XRCC5: variants seen among roughly 807,000 people sequenced by gnomAD.
XRCC5 encodes the protein X-ray repair cross complementing 5.
A neutral mutation model predicts 95.7 loss-of-function variants in XRCC5; 12 were observed. That is an observed-to-expected ratio of 0.13 (90% CI 0.08 to 0.20). The LOEUF is 0.20. Ranked by LOEUF, XRCC5 falls within the 10% of genes least tolerant of loss-of-function variation. XRCC5 has a pLI of 1.00. For synonymous variants in XRCC5, 281 were observed against 290.3 expected (o/e 0.97, Z 0.33); for missense variants, 595 against 873.9 (o/e 0.68, Z 4.02).
At chr2:216,148,329 C>T in intron 14 of XRCC5, 53 bp downstream of exon 14, 1 of 1,522,934 alleles carries the variant, frequency 6.6e-7, no homozygotes, top group Non-Finnish European at 8.9e-7. Context: ...GAGTTGTGGT[C>T]ATTTTAGAGT....
rs1247330693 is a variant in XRCC5 at position 216,160,690 on chromosome 2, A to AATTT, written c.1764+530_1764+533dup. ...TAATTAATTAATTAATTAATTAATT[A>AATTT]ATTTTTATATCTTGGTCAGCCAGGA... On this transcript the variant is annotated intron_variant, in intron 15 of 20. Transcript: ENST00000392132. Among the ~76,000 whole-genome samples the AATTT allele has an allele frequency of 2.6e-4, 39 of 151,516 alleles. 1 individual carries two copies. The highest frequency in any genetic ancestry group is 7.8e-4 in the East Asian group (4 of 5,150).
rs142450834 is a variant in XRCC5 at position 216,147,376 on chromosome 2, C to A, written c.1477-707C>A. On this transcript the variant is annotated intron_variant, in intron 13 of 20. Transcript: ENST00000392132. ...GGCAAGCAGGGCTGCATCATAGGAC[C>A]CTAGGGTATGGTGAGCAGTTCATTC... 4.5e-3 allele frequency among the ~76,000 whole-genome samples: 688 copies of A among 152,108 alleles called. 3 individuals are homozygous for A. The highest frequency in any genetic ancestry group is 9.1e-3 in the South Asian group (44 of 4,812).
intron 14 of XRCC5, chr2:216,156,776 C>T: frequency 1.9e-6 from 1 of 526,918 alleles, no homozygotes; most frequent in South Asian, 1.4e-5. Flanking sequence ...AGTCTATGTC[C>T]ATGAGAGTAA....
At chr2:216,178,887 A>G (rs1689328843) in intron 16 of XRCC5, among the ~76,000 whole-genome samples, 1 of 152,232 alleles carries the variant, frequency 6.6e-6, no homozygotes, top group African/African-American at 2.4e-5. Flanking sequence ...TTTTAGAGGA[A>G]TAAACCAGTG....
intron 12 of XRCC5, among the ~76,000 whole-genome samples, chr2:216,140,944 C>T (rs1485282614): frequency 6.6e-6 from 1 of 152,064 alleles, no homozygotes; most frequent in African/African-American, 2.4e-5. Flanking sequence ...TCTGATACTC[C>T]ATTGTCAGAG....
chr2:216,178,414 T>TGATGCC (rs1344826393), intron 16 of XRCC5, among the ~76,000 whole-genome samples: 3 of 152,236 alleles, frequency 2.0e-5, no homozygotes, highest in Non-Finnish European at 4.4e-5. Context: ...TCATCCCTAC[T>TGATGCC]GATGCCCTGT....
At chr2:216,136,945 G>A in intron 10 of XRCC5, 143 bp from the exon 11 acceptor site, 5 of 883,110 alleles carry the variant, frequency 5.7e-6, no homozygotes, top group Non-Finnish European at 8.1e-6. Flanking sequence ...AAAAGCAAAT[G>A]TGTGCACTTC....
intron 14 of XRCC5, chr2:216,156,800 TC>T: frequency 2.1e-6 from 1 of 479,816 alleles, no homozygotes. Flanking sequence ...CACAATCCTG[TC>T]CAGTAGCCAT....
intron 8 of XRCC5, among the ~76,000 whole-genome samples, chr2:216,129,919 A>G (rs976855410): frequency 6.6e-6 from 1 of 152,000 alleles, no homozygotes; most frequent in African/African-American, 2.4e-5. Flanking sequence ...CTTGTGATCC[A>G]CCTGCCTCGG....
At chr2:216,193,280 A>G (rs779447637) in intron 18 of XRCC5, among the ~76,000 whole-genome samples, 5 of 152,224 alleles carry the variant, frequency 3.3e-5, no homozygotes, top group Non-Finnish European at 7.3e-5. Flanking sequence ...TTTCAGTGTT[A>G]GGCTTGATCT....
At chr2:216,151,269 T>G (rs1688739173) in intron 14 of XRCC5, among the ~76,000 whole-genome samples, 1 of 152,214 alleles carries the variant, frequency 6.6e-6, no homozygotes, top group Non-Finnish European at 1.5e-5. Flanking sequence ...AAAGCATTGC[T>G]TCCATTTATG....
At chr2:216,143,237 G>A (rs1020263355) in intron 13 of XRCC5, among the ~76,000 whole-genome samples, 10 of 152,270 alleles carry the variant, frequency 6.6e-5, no homozygotes, top group African/African-American at 2.4e-4. Flanking sequence ...ATAAACCAGG[G>A]ACCATCTGTA....
chr2:216,167,438 A>G (rs1189956501), intron 16 of XRCC5, among the ~76,000 whole-genome samples: 1 of 152,152 alleles, frequency 6.6e-6, no homozygotes, highest in Admixed American at 6.6e-5. Context: ...TTTGTATGGT[A>G]TAGCACTATC....
chr2:216,151,452 T>C (rs1450898147), intron 14 of XRCC5, among the ~76,000 whole-genome samples: 2 of 152,292 alleles, frequency 1.3e-5, no homozygotes, highest in South Asian at 2.1e-4. Context: ...GAAGACTCCT[T>C]CTCACTTACT....
In XRCC5 at chr2:216,190,280, G is replaced by A. The variant is rs368212132; in HGVS notation, c.1890G>A (p.Pro630=). ...AGTTTTTGGATACTAATGAAACACCGTATTTTATGAAGAGCATAGACTGCA... is the reference window on the plus strand; with the variant it reads ...AGTTTTTGGATACTAATGAAACACCATATTTTATGAAGAGCATAGACTGCA... ...IEQFLDTNET[P]YFMKSIDCIR... The change falls in exon 17 of 21, where the codon CCG becomes CCA. Residue 630 remains proline, a synonymous_variant. Coordinates refer to ENST00000392132, the MANE Select transcript of XRCC5 (RefSeq NM_021141.4). 4.7e-5 allele frequency: 76 copies of A among 1,613,930 alleles called. No individual in the cohort carries two copies. The African/African-American group carries it at 5.5e-4, about 12-fold the overall frequency.
chr2:216,160,868 T>C (rs745920436), intron 15 of XRCC5, among the ~76,000 whole-genome samples: 6 of 151,990 alleles, frequency 3.9e-5, no homozygotes, highest in Admixed American at 6.6e-5. Flanking sequence ...TAAGGGTACA[T>C]GCCACCATAC....
intron 14 of XRCC5, among the ~76,000 whole-genome samples, chr2:216,151,250 C>T (rs1439925031): frequency 1.3e-5 from 2 of 152,184 alleles, no homozygotes; most frequent in African/African-American, 4.8e-5. Context: ...ATATTACCCT[C>T]ATCATATAAA....
intron 8 of XRCC5, 142 bp from the exon 9 acceptor site, chr2:216,130,733 G>A (rs1301222403): frequency 1.1e-5 from 6 of 562,006 alleles, no homozygotes; most frequent in Non-Finnish European, 1.9e-5. Flanking sequence ...ATCACAAGGG[G>A]CAGTCATCTG....
chr2:216,118,673 G>A (rs1696746242), intron 4 of XRCC5, among the ~76,000 whole-genome samples: 1 of 152,200 alleles, frequency 6.6e-6, no homozygotes, highest in South Asian at 2.1e-4. Flanking sequence ...TGTGCATGGA[G>A]TCAGAGCAGG....
Sources: allele counts gnomAD v4.1 joint callset (sites outside exome capture counted in the v4.1 genomes callset), GRCh38; gene constraint gnomAD v4.1.1; transcripts MANE v1.5; gene names NCBI Gene and HGNC (gene_info 2026-07-23, HGNC 2026-07-21).